The following FARP1 variants were observed in gnomAD, a reference collection of about 807,000 sequenced individuals.
FARP1 encodes the protein FERM, ARH/RhoGEF and pleckstrin domain protein 1.
In FARP1, 52 loss-of-function variants were observed where a neutral mutation model predicts 128.8. That is an observed-to-expected ratio of 0.40 (90% confidence interval 0.32 to 0.51). The LOEUF is 0.51. Among genes scored for constraint, FARP1 ranks in the 20% least tolerant of loss-of-function variants. FARP1 has a pLI of 0.45. For synonymous variants in FARP1, 580 were observed against 551.8 expected (o/e 1.05, Z -0.72); for missense variants, 1,333 against 1,367.9 (o/e 0.97, Z 0.40).
At chr13:98,348,385 C>T (rs983888379) in intron 3 of FARP1, among the ~76,000 whole-genome samples, 5 of 152,244 alleles carry the variant, frequency 3.3e-5, no homozygotes, top group African/African-American at 7.2e-5. Context: ...GTGCTTATTA[C>T]GGCTGCTAAT....
At chr13:98,413,504 CATTT>C (rs1379757070) in intron 16 of FARP1, among the ~76,000 whole-genome samples, 2 of 152,004 alleles carry the variant, frequency 1.3e-5, no homozygotes, top group African/African-American at 2.4e-5. Flanking sequence ...AACAAAAAAA[CATTT>C]AATTAGCCAG....
intron 2 of FARP1, among the ~76,000 whole-genome samples, chr13:98,223,256 T>C (rs1462759644): frequency 6.6e-6 from 1 of 152,248 alleles, no homozygotes; most frequent in East Asian, 1.9e-4. Context: ...AATGTTTTAC[T>C]TGAAATAATG....
intron 2 of FARP1, among the ~76,000 whole-genome samples, chr13:98,286,667 T>C (rs1349366097): frequency 6.6e-6 from 1 of 152,168 alleles, no homozygotes; most frequent in South Asian, 2.1e-4. Flanking sequence ...ATCAGCAGCG[T>C]GAAAATGGAC....
intron 7 of FARP1, 151 bp downstream of exon 7, chr13:98,384,995 G>A (rs2140038293): frequency 1.6e-6 from 1 of 609,490 alleles, no homozygotes; most frequent in East Asian, 2.7e-5. Flanking sequence ...TCATTGGGAT[G>A]TGGTGATTCA....
In FARP1 at chr13:98,431,033, G is replaced by A. The variant is rs745598539; in HGVS notation, c.1906-10G>A. The A allele has an allele frequency of 3.4e-5, 54 of 1,600,842 alleles. No homozygotes were observed. Among genetic ancestry groups the A allele is most frequent in the Non-Finnish European group, 3.8e-5 (44 of 1,169,120 alleles). On this transcript the variant is annotated splice_polypyrimidine_tract_variant and intron_variant, in intron 17 of 26. Transcript: ENST00000319562. ...CTGAACAGGACCCTCCTCCTCTGTTGCCTCCCAAGCACCTGGCGGCTCACC... is the reference window on the plus strand; with the variant it reads ...CTGAACAGGACCCTCCTCCTCTGTTACCTCCCAAGCACCTGGCGGCTCACC...
At chr13:98,386,049 T>C (rs972718453) in intron 8 of FARP1, 7 of 497,638 alleles carry the variant, frequency 1.4e-5, no homozygotes, top group African/African-American at 3.9e-5. Flanking sequence ...TTTGGTTTTA[T>C]TGACTTTGTA....
intron 2 of FARP1, among the ~76,000 whole-genome samples, chr13:98,340,131 A>T (rs1344475360): frequency 1.3e-5 from 2 of 151,638 alleles, no homozygotes; most frequent in East Asian, 3.9e-4. Context: ...TTTAAGTCTC[A>T]TTTCCCAGAC....
At chr13:98,286,391 G>A (rs942075172) in intron 2 of FARP1, among the ~76,000 whole-genome samples, 29 of 152,260 alleles carry the variant, frequency 1.9e-4, no homozygotes, top group South Asian at 8.3e-4. Flanking sequence ...TAGTTCCCAC[G>A]TGTTGTGCAA....
intron 2 of FARP1, among the ~76,000 whole-genome samples, chr13:98,290,219 G>A (rs1885387359): frequency 6.6e-6 from 1 of 152,028 alleles, no homozygotes; most frequent in Non-Finnish European, 1.5e-5. Context: ...TACATCATAT[G>A]CCAGGTGGTA....
At chr13:98,250,145 G>A (rs1001485170) in intron 2 of FARP1, among the ~76,000 whole-genome samples, 9 of 152,124 alleles carry the variant, frequency 5.9e-5, no homozygotes, top group Middle Eastern at 3.2e-3. Context: ...TGACTTAATC[G>A]GAGAAACACA....
intron 24 of FARP1, among the ~76,000 whole-genome samples, chr13:98,441,967 T>TA (rs80234213): frequency 0.68 from 103,745 of 152,096 alleles, 37,691 homozygotes; most frequent in Non-Finnish European, 0.82. Flanking sequence ...TCCAGGCCCA[T>TA]AGCTGTGTTT....
At chr13:98,179,552 G>A (rs781468805) in intron 1 of FARP1, among the ~76,000 whole-genome samples, 1 of 152,124 alleles carries the variant, frequency 6.6e-6, no homozygotes, top group African/African-American at 2.4e-5. Context: ...GGAAGGGAAG[G>A]CCTTATAATT....
chr13:98,354,360 A>G (rs1301273597), intron 3 of FARP1, among the ~76,000 whole-genome samples: 1 of 152,210 alleles, frequency 6.6e-6, no homozygotes, highest in Non-Finnish European at 1.5e-5. Flanking sequence ...CAAAAAGGGA[A>G]GGTAGGGAGA....
At position 98,431,132 on chromosome 13, in the gene FARP1, C is replaced by T. The variant is rs774416812; in HGVS notation, c.1995C>T (p.Cys665=). Residue 665 remains cysteine, a synonymous_variant, in exon 18 of 27, where the codon TGC becomes TGT. Transcript: ENST00000319562. ...IKSSRRLENF[C]RDFELQKVCY... ...GCTCCCGGCGGCTGGAGAACTTCTGCAGAGACTTTGAGCTGCAGAAGGTGT... is the reference window on the plus strand; with the variant it reads ...GCTCCCGGCGGCTGGAGAACTTCTGTAGAGACTTTGAGCTGCAGAAGGTGT... 35 of 1,614,000 alleles carry T rather than the reference C, an allele frequency of 2.2e-5. 1 individual carries two copies. The Middle Eastern group carries it at 9.9e-4, about 45-fold the overall frequency.
At chr13:98,287,304 A>G (rs1352837899) in intron 2 of FARP1, among the ~76,000 whole-genome samples, 2 of 129,968 alleles carry the variant, frequency 1.5e-5, no homozygotes, top group Non-Finnish European at 3.1e-5. Context: ...AGTCTCGGCC[A>G]CTGCAACCTT....
intron 25 of FARP1, 36 bp from the exon 26 acceptor site, chr13:98,446,630 C>T: frequency 1.2e-6 from 2 of 1,609,600 alleles, no homozygotes; most frequent in South Asian, 1.1e-5. Context: ...AGAAGCTGAC[C>T]CCGAAAAGCC....
intron 24 of FARP1, among the ~76,000 whole-genome samples, chr13:98,442,059 G>A (rs1484008644): frequency 1.3e-5 from 2 of 152,212 alleles, no homozygotes; most frequent in Non-Finnish European, 2.9e-5. Context: ...CCCTGAGCTG[G>A]GGCGAGGCCA....
chr13:98,273,179 G>T (rs1455670847), intron 2 of FARP1, among the ~76,000 whole-genome samples: 2 of 152,172 alleles, frequency 1.3e-5, no homozygotes, highest in Non-Finnish European at 2.9e-5. Flanking sequence ...TGGATTCAGA[G>T]ATTCTTCAAT....
At chr13:98,323,465 A>C (rs73559047) in intron 2 of FARP1, among the ~76,000 whole-genome samples, 6,308 of 138,550 alleles carry the variant, frequency 0.046, 238 homozygotes, top group African/African-American at 0.11. Context: ...TTTTTTTTCC[A>C]TTTGAGGCTT....
Sources: allele counts gnomAD v4.1 joint callset (sites outside exome capture counted in the v4.1 genomes callset), GRCh38; gene constraint gnomAD v4.1.1; transcripts MANE v1.5; gene names NCBI Gene and HGNC (gene_info 2026-07-23, HGNC 2026-07-21).